Variants in ELMOD2 observed in about 807,000 individuals in gnomAD.
ELMOD2 encodes the protein ELMO domain containing 2, also known as ELMO domain-containing protein 2.
A neutral mutation model predicts 41.0 loss-of-function variants in ELMOD2; 28 were observed. The observed-to-expected ratio is 0.68, with a 90% confidence interval of 0.51 to 0.94. The LOEUF (loss-of-function observed/expected upper bound fraction) is 0.94. Among genes scored for constraint, ELMOD2 ranks in the 40% least tolerant of loss-of-function variants. The probability of loss-of-function intolerance (pLI) is 0.00; values close to 1 mark genes in which losing one functional copy is unlikely to be tolerated. For missense variants in ELMOD2, 333 were observed against 343.1 expected, an observed-to-expected ratio of 0.97 and a Z score of 0.23; for synonymous variants, 106 against 107.2, an observed-to-expected ratio of 0.99 and a Z score of 0.07.
chr4:140,525,283 G>C (rs1181709701), intron 1 of ELMOD2, 137 bp from the exon 2 acceptor site: 5 of 897,940 alleles, frequency 5.6e-6, no homozygotes. Flanking sequence ...GTTTTTAAAT[G>C]CCTAATTAAA....
intron 6 of ELMOD2, among the ~76,000 whole-genome samples, chr4:140,540,904 C>T (rs536852370): frequency 2.6e-5 from 4 of 152,144 alleles, no homozygotes; most frequent in South Asian, 2.1e-4. Context: ...TTTTCTCTCT[C>T]GGCTCTCTGA....
chr4:140,549,504 G>GA (rs771170901), intron 8 of ELMOD2, among the ~76,000 whole-genome samples: 6 of 151,810 alleles, frequency 4.0e-5, no homozygotes, highest in South Asian at 2.1e-4. Context: ...TTAAAAAAGA[G>GA]AAGATGCTGA....
rs1036756248 is a variant in ELMOD2 at position 140,553,248 on chromosome 4, C to T, written c.*2873C>T. ...CGTAGCCAGAACAGAAAAGGTTACA[C>T]ATGATCATGGCACAGAAGATAGGAG... On this transcript the variant is annotated 3_prime_UTR_variant, in exon 9 of 9. Transcript: ENST00000323570. 1.3e-5 allele frequency: 2 copies of T among 152,104 alleles called. No homozygotes were observed. The highest frequency in any genetic ancestry group is 2.9e-5 in the Non-Finnish European group (2 of 67,988). 9.4% of individuals were successfully genotyped at this position (152,104 alleles called of 1,614,324 possible). A position where few individuals can be genotyped will look rare whatever the true frequency, so the allele number is the denominator to read the frequency against.
At chr4:140,524,407 C>G (rs1734480254) in intron 1 of ELMOD2, 127 bp downstream of exon 1, 1 of 185,622 alleles carries the variant, frequency 5.4e-6, no homozygotes, top group Non-Finnish European at 1.0e-5. Context: ...GGTCTTTGTG[C>G]GAGCCCTGCC....
chr4:140,541,684 G>T (rs901731186), intron 6 of ELMOD2, among the ~76,000 whole-genome samples: 1 of 152,044 alleles, frequency 6.6e-6, no homozygotes, highest in Non-Finnish European at 1.5e-5. Flanking sequence ...AGTCCATAAT[G>T]TAAGATGGTT....
At chr4:140,550,123 A>T in intron 8 of ELMOD2, 107 bp from the exon 9 acceptor site, 2 of 946,640 alleles carry the variant, frequency 2.1e-6, no homozygotes, top group Non-Finnish European at 3.1e-6. Flanking sequence ...TGATTATTGT[A>T]TTCTAATATG....
intron 4 of ELMOD2, 120 bp downstream of exon 4, chr4:140,535,950 C>G: frequency 1.2e-6 from 1 of 858,450 alleles, no homozygotes; most frequent in Non-Finnish European, 1.7e-6. Context: ...TGATTCAGCG[C>G]TCTCACTTCA....
chr4:140,545,375 C>T (rs1018999671), intron 8 of ELMOD2, among the ~76,000 whole-genome samples: 5 of 152,174 alleles, frequency 3.3e-5, no homozygotes, highest in African/African-American at 1.2e-4. Context: ...CTTTAGCCCT[C>T]ATACTTTTCC....
intron 5 of ELMOD2, among the ~76,000 whole-genome samples, chr4:140,539,215 G>A (rs1735029894): frequency 6.6e-6 from 1 of 152,176 alleles, no homozygotes; most frequent in Non-Finnish European, 1.5e-5. Context: ...AAGTATTTCT[G>A]TTTTGCAAAT....
Position 140,527,487 on chromosome 4 carries a change from A to C in ELMOD2, c.164A>C (p.Lys55Thr). 1.9e-6 allele frequency: 3 copies of C among 1,579,166 alleles called. No homozygotes were observed. The highest frequency in any genetic ancestry group is 2.6e-6 in the Non-Finnish European group (3 of 1,167,148). ...TCAGAAAATTCCTTGACATACTCCA[A>C]GAATAAGGTAGGATAACATAAAGGT... ...HRIENSLTYS[K>T]NKVLQKATHV... The change falls in exon 3 of 9, where the codon AAG becomes ACG. Residue 55 changes from lysine to threonine, a missense_variant. By Grantham distance (78) the Lys-to-Thr change is moderately conservative. Transcript: ENST00000323570.
At chr4:140,533,039 C>T (rs1020749275) in intron 3 of ELMOD2, among the ~76,000 whole-genome samples, 17 of 152,122 alleles carry the variant, frequency 1.1e-4, no homozygotes, top group African/African-American at 3.6e-4. Flanking sequence ...ATGAAAGATG[C>T]ATAAGACTTC....
intron 5 of ELMOD2, among the ~76,000 whole-genome samples, chr4:140,538,431 C>CT (rs371413251): frequency 1.3e-4 from 19 of 151,786 alleles, no homozygotes; most frequent in African/African-American, 2.4e-4. Context: ...ACAATAAAGG[C>CT]TTTTTTTTCA....
intron 8 of ELMOD2, among the ~76,000 whole-genome samples, chr4:140,549,357 A>G (rs934958042): frequency 1.3e-5 from 2 of 150,132 alleles, no homozygotes; most frequent in African/African-American, 4.9e-5. Flanking sequence ...GTTTACATAT[A>G]TGTGTGTGTG....
intron 8 of ELMOD2, among the ~76,000 whole-genome samples, chr4:140,547,371 T>TATCC (rs1735323011): frequency 2.6e-5 from 4 of 152,272 alleles, no homozygotes; most frequent in Admixed American, 6.5e-5. Context: ...ACGTCCAAAC[T>TATCC]GTGAGCAGCT....
At position 140,545,999 on chromosome 4, in the gene ELMOD2, G is replaced by A. The variant is rs1021392176; in HGVS notation, c.736+2413G>A. Among the ~76,000 whole-genome samples, 3 of 151,944 alleles carry A rather than the reference G, an allele frequency of 2.0e-5. No individual in the cohort carries two copies. The East Asian group carries it at 5.8e-4, about 29-fold the overall frequency. On this transcript the variant is annotated intron_variant, in intron 8 of 8. Coordinates refer to ENST00000323570, the MANE Select transcript of ELMOD2 (RefSeq NM_153702.4). ...TCCCATTACTGGGTATATACCCAAA[G>A]GAATATAAATCATGCTTCTATAAAG...
intron 7 of ELMOD2, 62 bp from the exon 8 acceptor site, chr4:140,543,391 A>G: frequency 6.5e-7 from 1 of 1,531,150 alleles, no homozygotes; most frequent in Non-Finnish European, 8.7e-7. Context: ...TCCTAACATA[A>G]TTTTAATTTA....
At position 140,551,639 on chromosome 4, in the gene ELMOD2, A is replaced by C. The variant is rs1735473147; in HGVS notation, c.*1264A>C. ...TAAGTTCTCCTTAAATCCTACAGAA[A>C]CCAACCTTTTAAGGACATAATTTCA... On this transcript the variant is annotated 3_prime_UTR_variant, in exon 9 of 9. Transcript: ENST00000323570. The C allele has an allele frequency of 6.6e-6, 1 of 152,128 alleles. No homozygotes were observed. The highest frequency in any genetic ancestry group is 6.5e-5 in the Admixed American group (1 of 15,268). 9.4% of individuals were successfully genotyped at this position (152,128 alleles called of 1,614,324 possible).
intron 7 of ELMOD2, among the ~76,000 whole-genome samples, chr4:140,543,202 A>G (rs910196180): frequency 2.6e-5 from 4 of 151,978 alleles, no homozygotes; most frequent in African/African-American, 9.7e-5. Context: ...TTATTTAAGA[A>G]TTTTAGTTTT....
chr4:140,524,657 C>T (rs1441315275), intron 1 of ELMOD2: 2 of 985,488 alleles, frequency 2.0e-6, no homozygotes, highest in African/African-American at 3.5e-5. Context: ...GGCCCTAGTC[C>T]AGAGGTGACG....
Sources: allele counts gnomAD v4.1 joint callset (sites outside exome capture counted in the v4.1 genomes callset), GRCh38; gene constraint gnomAD v4.1.1; transcripts MANE v1.5; gene names NCBI Gene and HGNC (gene_info 2026-07-23, HGNC 2026-07-21).